FRMD5: variants seen among roughly 807,000 people sequenced by gnomAD.
FRMD5 encodes the protein FERM domain containing 5, also known as FERM domain-containing protein 5.
Under a neutral mutation model 69.0 loss-of-function variants are expected in FRMD5, and 20 were observed. The observed-to-expected ratio is 0.29, with a 90% CI of 0.20 to 0.42. FRMD5 has a LOEUF of 0.42. Among genes scored for constraint, FRMD5 ranks in the 10% least tolerant of loss-of-function variants. The pLI is 1.00. For missense variants in FRMD5, 595 were observed against 708.6 expected (o/e 0.84, Z 1.82); for synonymous variants, 271 against 260.1 (o/e 1.04, Z -0.40).
intron 1 of FRMD5, among the ~76,000 whole-genome samples, chr15:44,167,521 C>G (rs1341660750): frequency 6.6e-6 from 1 of 152,122 alleles, no homozygotes; most frequent in African/African-American, 2.4e-5. Context: ...TTTGAGTGAC[C>G]AAATGATGTC....
At chr15:43,907,638 G>T (rs922106330) in intron 5 of FRMD5, among the ~76,000 whole-genome samples, 1 of 151,820 alleles carries the variant, frequency 6.6e-6, no homozygotes, top group East Asian at 1.9e-4. Context: ...TTCCCAAGTA[G>T]CTGGGACTAC....
chr15:44,124,446 T>A (rs1350535413), intron 1 of FRMD5, among the ~76,000 whole-genome samples: 1 of 149,780 alleles, frequency 6.7e-6, no homozygotes. Context: ...ACACCTGTAA[T>A]CCCAGCACTT....
At chr15:43,952,830 G>C (rs1256056142) in intron 1 of FRMD5, among the ~76,000 whole-genome samples, 6 of 152,222 alleles carry the variant, frequency 3.9e-5, no homozygotes, top group African/African-American at 1.4e-4. Context: ...TGGGAGAAGA[G>C]GCAGATGCAG....
intron 1 of FRMD5, among the ~76,000 whole-genome samples, chr15:43,937,044 C>T (rs2089773049): frequency 6.6e-6 from 1 of 152,160 alleles, no homozygotes; most frequent in Non-Finnish European, 1.5e-5. Flanking sequence ...CTAAAAAATA[C>T]TGCCATGCTC....
chr15:44,012,630 T>C (rs1282875440), intron 1 of FRMD5, among the ~76,000 whole-genome samples: 1 of 152,104 alleles, frequency 6.6e-6, no homozygotes, highest in Admixed American at 6.6e-5. Context: ...AATTACAGGA[T>C]ATGACTACTA....
At chr15:44,178,369 G>A (rs1005323072) in intron 1 of FRMD5, among the ~76,000 whole-genome samples, 2 of 152,056 alleles carry the variant, frequency 1.3e-5, no homozygotes, top group Non-Finnish European at 2.9e-5. Context: ...TTTACATTTA[G>A]GAGATACAGA....
At chr15:44,085,168 T>A (rs535360256) in intron 1 of FRMD5, among the ~76,000 whole-genome samples, 1 of 152,240 alleles carries the variant, frequency 6.6e-6, no homozygotes, top group South Asian at 2.1e-4. Flanking sequence ...AAATAAACAA[T>A]GTGGTTTGGA....
At chr15:44,028,276 C>T (rs1369434491) in intron 1 of FRMD5, among the ~76,000 whole-genome samples, 2 of 152,128 alleles carry the variant, frequency 1.3e-5, no homozygotes, top group African/African-American at 2.4e-5. Context: ...ACTATAACTG[C>T]CATGCTAGGT....
intron 1 of FRMD5, among the ~76,000 whole-genome samples, chr15:44,010,667 G>C (rs1184556965): frequency 6.6e-6 from 1 of 152,158 alleles, no homozygotes; most frequent in Non-Finnish European, 1.5e-5. Context: ...TTATAGGCGT[G>C]AGCTACCATG....
At chr15:44,108,258 C>A (rs2076747226) in intron 1 of FRMD5, among the ~76,000 whole-genome samples, 1 of 152,130 alleles carries the variant, frequency 6.6e-6, no homozygotes, top group Non-Finnish European at 1.5e-5. Flanking sequence ...GTAGTCACAG[C>A]TACTGGAGAG....
intron 1 of FRMD5, among the ~76,000 whole-genome samples, chr15:43,956,674 G>T (rs1372739326): frequency 6.6e-6 from 1 of 152,130 alleles, no homozygotes; most frequent in African/African-American, 2.4e-5. Flanking sequence ...AATCAACTTT[G>T]CAACACTCCA....
chr15:44,087,311 G>A (rs369890580), intron 1 of FRMD5, among the ~76,000 whole-genome samples: 8 of 152,070 alleles, frequency 5.3e-5, no homozygotes, highest in Non-Finnish European at 7.4e-5. Context: ...ATGAGCAACC[G>A]CGCCCGCCCA....
chr15:44,139,852 G>C (rs2077242176), intron 1 of FRMD5, among the ~76,000 whole-genome samples: 1 of 151,850 alleles, frequency 6.6e-6, no homozygotes, highest in South Asian at 2.1e-4. Flanking sequence ...ATGAAGCAAT[G>C]GCAGATACAA....
In FRMD5 at chr15:44,166,723, G is replaced by T. The variant is rs143132564; in HGVS notation, c.102+28230C>A. ...GGTTTAAACCCGGGAGGTAGAGGTTGCAGTGAGCCAAGATCACACCACTGC... is the reference window on the plus strand; with the variant it reads ...GGTTTAAACCCGGGAGGTAGAGGTTTCAGTGAGCCAAGATCACACCACTGC... On this transcript the variant is annotated intron_variant, in intron 1 of 13. Coordinates refer to ENST00000417257, the MANE Select transcript of FRMD5 (RefSeq NM_032892.5). 4.0e-3 allele frequency among the ~76,000 whole-genome samples: 574 copies of T among 144,998 alleles called. 5 individuals carry two copies. The highest frequency in any genetic ancestry group is 0.014 in the African/African-American group (536 of 38,084).
intron 1 of FRMD5, among the ~76,000 whole-genome samples, chr15:44,026,124 T>C (rs1891418692): frequency 6.6e-6 from 1 of 152,136 alleles, no homozygotes; most frequent in South Asian, 2.1e-4. Flanking sequence ...ACTACAGGCA[T>C]GTACCACCAA....
intron 1 of FRMD5, among the ~76,000 whole-genome samples, chr15:44,059,414 C>T (rs1893000916): frequency 6.6e-6 from 1 of 152,180 alleles, no homozygotes; most frequent in East Asian, 1.9e-4. Context: ...CCTTAAACAT[C>T]TGAGAATACC....
intron 1 of FRMD5, among the ~76,000 whole-genome samples, chr15:44,054,992 C>G (rs958986089): frequency 2.0e-5 from 3 of 151,532 alleles, no homozygotes. Context: ...ATAGCTTGAA[C>G]CCAGGATATG....
At chr15:44,186,602 G>C (rs886833196) in intron 1 of FRMD5, among the ~76,000 whole-genome samples, 1 of 152,212 alleles carries the variant, frequency 6.6e-6, no homozygotes, top group Non-Finnish European at 1.5e-5. Flanking sequence ...ATTTATTTCA[G>C]GTCTTGGGCC....
At chr15:44,097,945 G>T (rs1416598922) in intron 1 of FRMD5, among the ~76,000 whole-genome samples, 1 of 152,020 alleles carries the variant, frequency 6.6e-6, no homozygotes, top group African/African-American at 2.4e-5. Context: ...GCCTTTGAAT[G>T]ACATGTTTAC....
Sources: allele counts gnomAD v4.1 joint callset (sites outside exome capture counted in the v4.1 genomes callset), GRCh38; gene constraint gnomAD v4.1.1; transcripts MANE v1.5; gene names NCBI Gene and HGNC (gene_info 2026-07-23, HGNC 2026-07-21).